Variants in SEMA3E observed in about 807,000 individuals in gnomAD.
The protein encoded by SEMA3E is semaphorin-3E.
SEMA3E carries 49 observed loss-of-function variants against 93.6 expected under a neutral mutation model. The observed-to-expected ratio is 0.52, with a 90% CI of 0.42 to 0.66. The LOEUF (loss-of-function observed/expected upper bound fraction) is 0.66, where lower values mean the gene tolerates loss of function less well. Ranked by LOEUF, SEMA3E falls within the 30% of genes least tolerant of loss-of-function variation. The pLI, the probability that SEMA3E is intolerant of heterozygous loss-of-function variation, is 0.00. For missense variants in SEMA3E, 906 were observed against 964.8 expected, an observed-to-expected ratio of 0.94 and a Z score of 0.81; for synonymous variants, 363 against 330.7, an observed-to-expected ratio of 1.10 and a Z score of -1.06.
At chr7:83,512,936 T>C (rs942184827) in intron 1 of SEMA3E, among the ~76,000 whole-genome samples, 1 of 152,228 alleles carries the variant, frequency 6.6e-6, no homozygotes, top group Non-Finnish European at 1.5e-5. Flanking sequence ...AAGGCTAAAG[T>C]AATGCCATAC....
chr7:83,490,029 A>G lies in SEMA3E; in HGVS notation c.276+85T>C. The G allele has an allele frequency of 3.0e-6, 4 of 1,338,790 alleles. No homozygotes were observed. In the Admixed American group the frequency reaches 5.4e-5, roughly 18 times the overall value. The allele number at this position is 1,338,790 out of a possible 1,614,324, so 82.9% of individuals were successfully genotyped here. Reference sequence around the variant, plus strand: ...ATCACTCAAAATTTTAAAGTGGTCAATACAATTAAAAAAAAGACAAGTAAC... The same window carrying G: ...ATCACTCAAAATTTTAAAGTGGTCAGTACAATTAAAAAAAAGACAAGTAAC... On this transcript the variant is annotated intron_variant, in intron 2 of 16. Transcript: ENST00000643230.
At position 83,385,201 on chromosome 7, in the gene SEMA3E, A is replaced by G. The variant is rs150116709; in HGVS notation, c.1875+93T>C. On this transcript the variant is annotated intron_variant, in intron 16 of 16. Transcript: ENST00000643230. The stretch of plus-strand genomic sequence containing the variant: ...ATAAGGCATGCATAGTACAACAGCT[A>G]GCTTCATTTTTCAGCATCCAAATAA... The G allele has an allele frequency of 2.7e-3, 3,781 of 1,393,528 alleles. 18 individuals carry two copies. Among genetic ancestry groups the G allele is most frequent in the Non-Finnish European group, 2.4e-3 (2,410 of 996,858 alleles). The allele number at this position is 1,393,528 out of a possible 1,614,324, so 86.3% of individuals were successfully genotyped here.
intron 1 of SEMA3E, among the ~76,000 whole-genome samples, chr7:83,540,910 T>A (rs1288716444): frequency 6.6e-6 from 1 of 152,206 alleles, no homozygotes; most frequent in Non-Finnish European, 1.5e-5. Context: ...AAACACAGGG[T>A]GTTTGTTTAA....
chr7:83,378,233 C>T (rs1440927696), intron 16 of SEMA3E, among the ~76,000 whole-genome samples: 1 of 151,856 alleles, frequency 6.6e-6, no homozygotes. Flanking sequence ...ATTACATTAT[C>T]CACATAAATG....
At chr7:83,390,684 A>G (rs1167097035) in intron 14 of SEMA3E, among the ~76,000 whole-genome samples, 1 of 152,192 alleles carries the variant, frequency 6.6e-6, no homozygotes, top group East Asian at 1.9e-4. Flanking sequence ...TTCCAGGGGT[A>G]GTGATGGTTC....
intron 1 of SEMA3E, among the ~76,000 whole-genome samples, chr7:83,622,115 T>C (rs1793572689): frequency 6.6e-6 from 1 of 151,692 alleles, no homozygotes; most frequent in Non-Finnish European, 1.5e-5. Context: ...TAATATCCAG[T>C]CGACGAGGAA....
At position 83,515,131 on chromosome 7, in the gene SEMA3E, G is replaced by A. The variant is rs114406837; in HGVS notation, c.116-24857C>T. 6.4e-3 allele frequency among the ~76,000 whole-genome samples: 976 copies of A among 152,134 alleles called. 13 individuals are homozygous for A. The highest frequency in any genetic ancestry group is 0.02 in the African/African-American group (843 of 41,500). ...AGTATTGGTTAGAGTGAGGAGACAGGAAATTCAGCTCACACCCAGCTACCC... is the reference window on the plus strand; with the variant it reads ...AGTATTGGTTAGAGTGAGGAGACAGAAAATTCAGCTCACACCCAGCTACCC... On this transcript the variant is annotated intron_variant, in intron 1 of 16. Transcript: ENST00000643230.
intron 1 of SEMA3E, among the ~76,000 whole-genome samples, chr7:83,527,164 C>T (rs1562819675): frequency 6.7e-6 from 1 of 149,442 alleles, no homozygotes; most frequent in Non-Finnish European, 1.5e-5. Context: ...CTGGCAGCAA[C>T]CACCATGAGC....
chr7:83,574,458 T>TA (rs201667930), intron 1 of SEMA3E, among the ~76,000 whole-genome samples: 3,088 of 109,390 alleles, frequency 0.028, 85 homozygotes, highest in African/African-American at 0.12. Flanking sequence ...AAGTAAAGTT[T>TA]AAAAAAAAAA....
chr7:83,535,764 A>G (rs1472385259), intron 1 of SEMA3E, among the ~76,000 whole-genome samples: 1 of 152,174 alleles, frequency 6.6e-6, no homozygotes, highest in African/African-American at 2.4e-5. Context: ...AAAATTAGAA[A>G]GATCTTCACC....
intron 1 of SEMA3E, among the ~76,000 whole-genome samples, chr7:83,557,656 T>G (rs573057097): frequency 1.1e-4 from 16 of 152,152 alleles, no homozygotes; most frequent in Non-Finnish European, 2.2e-4. Flanking sequence ...TAACTCTATA[T>G]TATGTCAGTA....
chr7:83,477,590 T>C (rs1168811183), intron 2 of SEMA3E, among the ~76,000 whole-genome samples: 2 of 152,122 alleles, frequency 1.3e-5, no homozygotes, highest in Non-Finnish European at 2.9e-5. Flanking sequence ...AGACAAAATT[T>C]GTATTTTAAA....
intron 4 of SEMA3E, among the ~76,000 whole-genome samples, chr7:83,439,175 T>A (rs1229144843): frequency 1.3e-5 from 2 of 152,204 alleles, no homozygotes; most frequent in Non-Finnish European, 2.9e-5. Context: ...ATTTGAAAAC[T>A]CTTCAATCCT....
intron 4 of SEMA3E, among the ~76,000 whole-genome samples, chr7:83,453,233 T>C (rs1789400922): frequency 6.6e-6 from 1 of 152,090 alleles, no homozygotes; most frequent in African/African-American, 2.4e-5. Context: ...TTTCACCACA[T>C]TGGCGAGGCT....
chr7:83,543,444 A>G (rs184965232), intron 1 of SEMA3E, among the ~76,000 whole-genome samples: 1 of 152,072 alleles, frequency 6.6e-6, no homozygotes, highest in Non-Finnish European at 1.5e-5. Flanking sequence ...GAGACTGCCT[A>G]TGTGTCCAGA....
At chr7:83,483,026 A>C (rs764294358) in intron 2 of SEMA3E, among the ~76,000 whole-genome samples, 5 of 152,068 alleles carry the variant, frequency 3.3e-5, no homozygotes, top group Non-Finnish European at 7.4e-5. Flanking sequence ...CAGCTCAAAA[A>C]ATTTAGAATG....
intron 1 of SEMA3E, among the ~76,000 whole-genome samples, chr7:83,500,477 G>T (rs1236794127): frequency 4.6e-5 from 7 of 151,760 alleles, no homozygotes; most frequent in East Asian, 3.9e-4. Context: ...TTACTTAAAG[G>T]AGGGGAGAGA....
chr7:83,421,584 T>A (rs1401692139), intron 4 of SEMA3E, among the ~76,000 whole-genome samples: 3 of 142,358 alleles, frequency 2.1e-5, no homozygotes, highest in African/African-American at 7.5e-5. Flanking sequence ...ATTGCTCAAT[T>A]TGGCAACTAT....
rs970483200 is a variant in SEMA3E at position 83,610,462 on chromosome 7, T to C, written c.115+37966A>G. ...TTGTCCCTTGAATTTTTTAATCTTA[T>C]AGATATTATAAATGTTACAACTATG... On this transcript the variant is annotated intron_variant, in intron 1 of 16. Coordinates refer to ENST00000643230, the MANE Select transcript of SEMA3E (RefSeq NM_012431.3). Among the ~76,000 whole-genome samples, 7 of 152,108 alleles carry C rather than the reference T, an allele frequency of 4.6e-5. 1 individual carries two copies. In the East Asian group the frequency reaches 1.2e-3, roughly 25 times the overall value.
Sources: allele counts gnomAD v4.1 joint callset (sites outside exome capture counted in the v4.1 genomes callset), GRCh38; gene constraint gnomAD v4.1.1; transcripts MANE v1.5; gene names NCBI Gene and HGNC (gene_info 2026-07-23, HGNC 2026-07-21).